KMT2A: variants seen among roughly 807,000 people sequenced by gnomAD.
KMT2A encodes the protein histone-lysine N-methyltransferase 2A.
KMT2A carries 16 observed loss-of-function variants against 345.3 expected under a neutral mutation model. The observed-to-expected ratio is 0.05, with a 90% CI of 0.03 to 0.07. The LOEUF (loss-of-function observed/expected upper bound fraction) is 0.07. KMT2A is among the 10% of genes least tolerant of loss of function. KMT2A has a pLI of 1.00. For synonymous variants in KMT2A, 1,599 were observed against 1,778.6 expected (o/e 0.90, Z 2.54); for missense variants, 3,272 against 4,841.6 (o/e 0.68, Z 9.62).
At chr11:118,482,154 T>A in intron 7 of KMT2A, 62 bp downstream of exon 7, 4 of 1,505,136 alleles carry the variant, frequency 2.7e-6, no homozygotes, top group Non-Finnish European at 2.7e-6. Flanking sequence ...AGCACTGATG[T>A]CTCAAACAGC....
chr11:118,485,885 A>T (rs1456641770), intron 10 of KMT2A, among the ~76,000 whole-genome samples: 1 of 152,184 alleles, frequency 6.6e-6, no homozygotes, highest in East Asian at 1.9e-4. Flanking sequence ...GATCCAGACC[A>T]TCCTGGCTAA....
At chr11:118,477,532 G>A (rs1219212164) in intron 4 of KMT2A, among the ~76,000 whole-genome samples, 1 of 93,796 alleles carries the variant, frequency 1.1e-5, no homozygotes, top group Non-Finnish European at 1.9e-5. Context: ...TTTTGAGACG[G>A]AGCCTCATTG....
At position 118,522,182 on chromosome 11, in the gene KMT2A, T is replaced by C; in HGVS notation, c.*10T>C. The C allele has an allele frequency of 1.2e-6, 2 of 1,612,868 alleles. No individual in the cohort carries two copies. Among genetic ancestry groups the C allele is most frequent in the South Asian group, 1.1e-5 (1 of 91,036 alleles). ...GAAGTTCCTAAACTAAAGCTGCTCT[T>C]CTCCCCCAGTGTTGGAGTGCAAGGA... On this transcript the variant is annotated 3_prime_UTR_variant, in exon 36 of 36. Transcript: ENST00000534358. This position sits in a 1 kb window ranked among gnomAD's most constrained non-coding sequence, Gnocchi z 5.4.
intron 1 of KMT2A, among the ~76,000 whole-genome samples, chr11:118,438,082 G>T (rs1208196081): frequency 6.6e-6 from 1 of 152,150 alleles, no homozygotes; most frequent in Non-Finnish European, 1.5e-5. Context: ...GCTTGGAAGG[G>T]GTGGGGGAAG....
At chr11:118,453,171 C>CGAA in intron 1 of KMT2A, among the ~76,000 whole-genome samples, 1 of 152,200 alleles carries the variant, frequency 6.6e-6, no homozygotes, top group East Asian at 1.9e-4. Context: ...TCTCCCTTTT[C>CGAA]ACAGCAAAAC....
Position 118,503,936 on chromosome 11 carries a change from T to C in KMT2A, c.8044T>C (p.Leu2682=), listed in dbSNP as rs782665441. The part of the protein sequence containing the change: ...DDLSTSDEDD[L]YYYNFTRTVI... ...CTTAAGCACTTCAGATGAAGACGAC[T>C]TATACTATTACAACTTCACTAGAAC... Residue 2682 remains leucine, a synonymous_variant, in exon 27 of 36, where the codon TTA becomes CTA. Transcript: ENST00000534358. This position sits in a 1 kb window ranked among gnomAD's most constrained non-coding sequence, Gnocchi z 5.3. 3 of 1,614,140 alleles carry C rather than the reference T, an allele frequency of 1.9e-6. No homozygotes were observed. The Admixed American group carries it at 5.0e-5, about 27-fold the overall frequency.
Position 118,520,025 on chromosome 11 carries a change from A to G in KMT2A, c.11390A>G (p.Asn3797Ser), listed in dbSNP as rs1285242662. ...KHRQPPEYNP[N>S]DEEEEEVQLK... ...CGTCAGCCTCCTGAATACAACCCCA[A>G]TGATGAAGAAGAGGAGGAGGTACAG... Residue 3797 changes from asparagine to serine, a missense_variant, in exon 33 of 36, where the codon AAT becomes AGT. By Grantham distance (46) the Asn-to-Ser change is conservative. This residue lies in a region of KMT2A where 78 missense variants were observed against 254.5 expected (regional missense o/e 0.31). Coordinates refer to ENST00000534358, the MANE Select transcript of KMT2A (RefSeq NM_001197104.2). This position sits in a 1 kb window ranked among gnomAD's most constrained non-coding sequence, Gnocchi z 4.3. 9.3e-6 allele frequency: 15 copies of G among 1,613,868 alleles called. No individual in the cohort carries two copies. Among genetic ancestry groups the G allele is most frequent in the Non-Finnish European group, 1.1e-5 (13 of 1,179,846 alleles).
chr11:118,490,017 T>A lies in KMT2A; in HGVS notation c.4576-112T>A. On this transcript the variant is annotated intron_variant, in intron 12 of 35. Coordinates refer to ENST00000534358, the MANE Select transcript of KMT2A (RefSeq NM_001197104.2). This position sits in a 1 kb window ranked among gnomAD's most constrained non-coding sequence, Gnocchi z 4.2. ...ATCTTTTTGCCTCATTACTAGGAAA[T>A]CATCTCAGCAGAGAAATTAAATCTA... is the stretch of plus-strand genomic sequence containing the variant. 1 of 1,432,614 alleles carries A rather than the reference T, an allele frequency of 7.0e-7. No homozygotes were observed. Among genetic ancestry groups the A allele is most frequent in the African/African-American group, 1.4e-5 (1 of 70,476 alleles). The allele number at this position is 1,432,614 out of a possible 1,614,324, so 88.7% of individuals were successfully genotyped here.
rs997896404 is a variant in KMT2A at position 118,473,635 on chromosome 11, C to T, written c.2476C>T (p.Pro826Ser). 1.2e-6 allele frequency: 2 copies of T among 1,614,062 alleles called. No homozygotes were observed. The highest frequency in any genetic ancestry group is 1.7e-6 in the Non-Finnish European group (2 of 1,180,026). The change falls in exon 3 of 36, where the codon CCA becomes TCA. Residue 826 changes from proline (P) to serine (S), a missense_variant. Around this residue, in one of 27 missense-constraint regions of KMT2A, gnomAD observed 209 missense variants for 237.4 expected, o/e 0.88. Transcript: ENST00000534358. The surrounding 1 kb of genome is among the most constrained non-coding windows in gnomAD (Gnocchi z 5.2). ...GAAGCAGACTAGTGCTCCGGCAGAGCCATTTTCATCAAGTAGTCCTACTCC... is the reference window on the plus strand; with the variant it reads ...GAAGCAGACTAGTGCTCCGGCAGAGTCATTTTCATCAAGTAGTCCTACTCC... ...PRKQTSAPAE[P>S]FSSSSPTPLF...
At chr11:118,492,079 AC>A (rs1409445304) in intron 15 of KMT2A, 151 bp downstream of exon 15, 36 of 618,724 alleles carry the variant, frequency 5.8e-5, no homozygotes, top group African/African-American at 5.4e-4. Context: ...CAAGAATAGG[AC>A]CTTCTTTAGC....
chr11:118,525,693 C>T lies in KMT2A; in HGVS notation c.*3521C>T, dbSNP rs1951067203. On this transcript the variant is annotated 3_prime_UTR_variant, in exon 36 of 36. Coordinates refer to ENST00000534358, the MANE Select transcript of KMT2A (RefSeq NM_001197104.2). ...TGAATGTATCTTTCTAAAGGACTGA[C>T]GTTCAATCAAATATCTGAAAATACT... 1 of 227,374 alleles carries T rather than the reference C, an allele frequency of 4.4e-6. No homozygotes were observed. Among genetic ancestry groups the T allele is most frequent in the Non-Finnish European group, 8.7e-6 (1 of 115,388 alleles). The allele number at this position is 227,374 out of a possible 1,614,324, so 14.1% of individuals were successfully genotyped here.
chr11:118,442,284 G>A (rs1333137261), intron 1 of KMT2A, among the ~76,000 whole-genome samples: 2 of 152,230 alleles, frequency 1.3e-5, no homozygotes, highest in African/African-American at 4.8e-5. Flanking sequence ...TTTATTCGAG[G>A]ATTGCTGGGA....
chr11:118,440,210 TG>T lies in KMT2A; in HGVS notation c.432+3267del, dbSNP rs1949284396. On this transcript the variant is annotated intron_variant, in intron 1 of 35. Transcript: ENST00000534358. ...AAAACTAGGTAACAGAACTTCCAGATGACTTTGCTGTTTGAACTCCCTTAGC... is the reference window on the plus strand; with the variant it reads ...AAAACTAGGTAACAGAACTTCCAGATACTTTGCTGTTTGAACTCCCTTAGC... Among the ~76,000 whole-genome samples, 3 of 152,366 alleles carry T rather than the reference TG, an allele frequency of 2.0e-5. No individual in the cohort carries two copies. The East Asian group carries it at 5.8e-4, about 29-fold the overall frequency.
chr11:118,520,522 G>A lies in KMT2A; in HGVS notation c.11430-280G>A, dbSNP rs986039855. ...AAAAATTAGCCCGGCGTGGTGGCGC[G>A]CGCCTGTAGTCCCACCTACTCAGCA... On this transcript the variant is annotated intron_variant, in intron 33 of 35. Transcript: ENST00000534358. The surrounding 1 kb of genome is among the most constrained non-coding windows in gnomAD (Gnocchi z 4.3). 12 of 410,368 alleles carry A rather than the reference G, an allele frequency of 2.9e-5. No homozygotes were observed. The highest frequency in any genetic ancestry group is 7.6e-5 in the South Asian group (2 of 26,270). 25.4% of individuals were successfully genotyped at this position (410,368 alleles called of 1,614,324 possible). A position where few individuals can be genotyped will look rare whatever the true frequency, so the allele number is the denominator to read the frequency against.
At chr11:118,454,697 A>G (rs1035243685) in intron 1 of KMT2A, among the ~76,000 whole-genome samples, 2 of 152,202 alleles carry the variant, frequency 1.3e-5, no homozygotes, top group Non-Finnish European at 2.9e-5. Flanking sequence ...TGTAAGTCAG[A>G]CCATTGTAAG....
chr11:118,463,328 G>GT lies in KMT2A; in HGVS notation c.433-5445dup, dbSNP rs1949782620. 3.3e-5 allele frequency among the ~76,000 whole-genome samples: 5 copies of GT among 152,220 alleles called. No homozygotes were observed. In the South Asian group the frequency reaches 1.0e-3, roughly 32 times the overall value. ...TTACCTATTGATTATTATATGTATA[G>GT]TTGCTTGAGCTGTCAATCATTGTAG... On this transcript the variant is annotated intron_variant, in intron 1 of 35. Transcript: ENST00000534358.
At chr11:118,480,730 A>G (rs1306664155) in intron 6 of KMT2A, among the ~76,000 whole-genome samples, 1 of 152,024 alleles carries the variant, frequency 6.6e-6, no homozygotes, top group African/African-American at 2.4e-5. Flanking sequence ...TAGCATGATT[A>G]TGACTCACTG....
intron 24 of KMT2A, among the ~76,000 whole-genome samples, chr11:118,500,311 A>T (rs540275607): frequency 1.3e-5 from 2 of 152,334 alleles, no homozygotes; most frequent in Non-Finnish European, 2.9e-5. Flanking sequence ...CACAATAATG[A>T]TCAAATTTTT....
intron 31 of KMT2A, among the ~76,000 whole-genome samples, chr11:118,518,228 AAAG>A (rs1555052187): frequency 1.3e-5 from 2 of 152,376 alleles, no homozygotes; most frequent in South Asian, 2.1e-4. Context: ...CTAGTGTCAA[AAAG>A]AAGTGTGGCA....
Sources: gnomAD v4.1 joint callset for allele counts (sites outside exome capture counted in the v4.1 genomes callset) on GRCh38, gnomAD v4.1.1 for gene constraint, gnomAD v4.1.1 regional missense constraint, Gnocchi (gnomAD v3.1) non-coding constraint, MANE v1.5 for transcripts, NCBI Gene and HGNC (gene_info 2026-07-23, HGNC 2026-07-21) for gene names.